TMEM181: variants seen among roughly 807,000 people sequenced by gnomAD.
The protein encoded by TMEM181 is G protein-coupled receptor 178.
TMEM181 carries 39 observed loss-of-function variants against 71.9 expected under a neutral mutation model. That is an observed-to-expected ratio of 0.54 (90% CI 0.42 to 0.71). The LOEUF (loss-of-function observed/expected upper bound fraction) is 0.71, where lower values mean the gene tolerates loss of function less well. TMEM181 is among the 30% of genes least tolerant of loss of function. TMEM181 has a pLI of 0.00. For synonymous variants in TMEM181, 245 were observed against 228.8 expected (o/e 1.07, Z -0.64); for missense variants, 595 against 583.0 (o/e 1.02, Z -0.21).
chr6:158,586,289 G>A (rs1783771494), intron 5 of TMEM181, among the ~76,000 whole-genome samples: 3 of 152,210 alleles, frequency 2.0e-5, no homozygotes, highest in Admixed American at 1.3e-4. Context: ...TACTGGCAGC[G>A]TGGAGAACTT....
Position 158,608,394 on chromosome 6 carries a change from CT to C in TMEM181, c.738del (p.Gln247SerfsTer28). 1 of 1,614,260 alleles carries C rather than the reference CT, an allele frequency of 6.2e-7. No homozygotes were observed. The highest frequency in any genetic ancestry group is 8.5e-7 in the Non-Finnish European group (1 of 1,180,052). On this transcript the variant is annotated frameshift_variant, in exon 9 of 17. Transcript: ENST00000684151. LOFTEE classifies it high-confidence loss of function. ...SWLPGMLDDL[F>X]QSMFLCALLL... is the part of the protein sequence containing the mutation. ...GGCTCCCAGGGATGCTGGATGACCT[CT>C]TTCAGTCCATGTTCCTGTGCGCCCT...
intron 6 of TMEM181, among the ~76,000 whole-genome samples, chr6:158,600,399 A>G (rs1784603948): frequency 6.7e-6 from 1 of 148,982 alleles, no homozygotes; most frequent in African/African-American, 2.5e-5. Flanking sequence ...ATCCACCCGC[A>G]TCGGCCTCCC....
At chr6:158,628,915 G>T (rs764633812) in intron 14 of TMEM181, among the ~76,000 whole-genome samples, 1 of 152,208 alleles carries the variant, frequency 6.6e-6, no homozygotes, top group Non-Finnish European at 1.5e-5. Context: ...GAGGGCTGCC[G>T]TGAGCCTCCT....
At chr6:158,560,299 C>G (rs527924393) in intron 1 of TMEM181, 67 bp downstream of exon 1, 2 of 985,244 alleles carry the variant, frequency 2.0e-6, no homozygotes, top group East Asian at 2.3e-4. Context: ...GTTGGGGATC[C>G]CTGGCTCCCG....
chr6:158,631,269 T>C, intron 15 of TMEM181, 54 bp from the exon 16 acceptor site: 1 of 1,587,512 alleles, frequency 6.3e-7, no homozygotes, highest in Non-Finnish European at 8.7e-7. Flanking sequence ...ATCCTGCCTG[T>C]CCAGGCTCAT....
chr6:158,541,898 C>CTTTTTTTT (rs10583860), intron 1 of TMEM181, among the ~76,000 whole-genome samples: 6 of 66,624 alleles, frequency 9.0e-5, no homozygotes, highest in African/African-American at 2.3e-4. Flanking sequence ...GGGATTTTAT[C>CTTTTTTTT]TTTTTTTTTT....
rs933919044 is a variant in TMEM181 at position 158,560,138 on chromosome 6, G to C, written c.-87G>C. ...GCTCAGCCGCTGTCGCTCCGGCTCC[G>C]GCTGCGGCTGCCGCTGCCGAGGCTG... is the stretch of plus-strand genomic sequence containing the variant. On this transcript the variant is annotated 5_prime_UTR_variant, in exon 1 of 17. Coordinates refer to ENST00000684151, the MANE Select transcript of TMEM181 (RefSeq NM_001376852.1). 3 of 984,860 alleles carry C rather than the reference G, an allele frequency of 3.0e-6. No individual in the cohort carries two copies. In the African/African-American group the frequency reaches 5.2e-5, roughly 17 times the overall value. The allele number at this position is 984,860 out of a possible 1,614,324, so 61.0% of individuals were successfully genotyped here.
intron 1 of TMEM181, among the ~76,000 whole-genome samples, chr6:158,537,814 C>A (rs1276732343): frequency 1.3e-5 from 2 of 152,264 alleles, no homozygotes; most frequent in Non-Finnish European, 1.5e-5. Flanking sequence ...TTTTCTAAGA[C>A]CTATCCTGTA....
At chr6:158,617,942 A>G (rs927651301) in intron 10 of TMEM181, among the ~76,000 whole-genome samples, 9 of 152,214 alleles carry the variant, frequency 5.9e-5, no homozygotes, top group African/African-American at 2.2e-4. Flanking sequence ...TGCTGAGAAG[A>G]ATGTATATTC....
At position 158,629,796 on chromosome 6, in the gene TMEM181, C is replaced by G. The variant is rs1786557598; in HGVS notation, c.1259C>G (p.Ser420Cys). 6.2e-7 allele frequency: 1 copy of G among 1,613,996 alleles called. No homozygotes were observed. The highest frequency in any genetic ancestry group is 8.5e-7 in the Non-Finnish European group (1 of 1,179,984). The change falls in exon 15 of 17, where the codon TCT becomes TGT. Residue 420 changes from serine to cysteine, a missense_variant. By Grantham distance (112) the Ser-to-Cys change is moderately radical. Transcript: ENST00000684151. ...FYLYTLAFVY[S>C]PSKNALYESQ... Reference sequence around the variant, plus strand: ...CTCTACACCTTGGCCTTTGTATATTCTCCATCGAAGAATGCCCTCTATGGT... The same window carrying G: ...CTCTACACCTTGGCCTTTGTATATTGTCCATCGAAGAATGCCCTCTATGGT...
chr6:158,608,499 C>T, intron 9 of TMEM181, 36 bp downstream of exon 9: 1 of 1,613,860 alleles, frequency 6.2e-7, no homozygotes, highest in Non-Finnish European at 8.5e-7. Context: ...GGGGGAGGTT[C>T]CAGACTGTGT....
chr6:158,596,801 C>T (rs934734778), intron 6 of TMEM181, among the ~76,000 whole-genome samples: 1 of 152,064 alleles, frequency 6.6e-6, no homozygotes, highest in African/African-American at 2.4e-5. Context: ...AAGTGGAAAC[C>T]CTGATAAACC....
rs764220579 is a variant in TMEM181 at position 158,608,415 on chromosome 6, C to T, written c.756C>T (p.Cys252=). ...ACCTCTTTCAGTCCATGTTCCTGTG[C>T]GCCCTGCTGCTCTTCTGGCTGTGCG... is the stretch of plus-strand genomic sequence containing the variant. ...LDDLFQSMFL[C]ALLLFWLCVY... is the part of the protein sequence containing the mutation. Residue 252 remains cysteine, a synonymous_variant, in exon 9 of 17, where the codon TGC becomes TGT. Transcript: ENST00000684151. The T allele has an allele frequency of 4.1e-5, 66 of 1,614,090 alleles. No homozygotes were observed. In the Admixed American group the frequency reaches 9.2e-4, roughly 22 times the overall value.
rs1331856981 is a variant in TMEM181, at chr6:158,573,450, C to T, written c.39C>T (p.Ser13=). Residue 13 remains serine (S), a synonymous_variant, in exon 2 of 17, where the codon TCC becomes TCT. Coordinates refer to ENST00000684151, the MANE Select transcript of TMEM181 (RefSeq NM_001376852.1). ...CGCCCATGCGGCTCTACACGCTCTC[C>T]AAGCGCCACTTTGTCCTCGTGTTTG... ...PLAPMRLYTL[S]KRHFVLVFVV... is the part of the protein sequence containing the mutation. The T allele has an allele frequency of 1.3e-6, 2 of 1,598,944 alleles. No individual in the cohort carries two copies. The highest frequency in any genetic ancestry group is 2.3e-5 in the South Asian group (2 of 88,516).
At chr6:158,557,343 G>A (rs941590193), upstream of TMEM181, among the ~76,000 whole-genome samples, 4 of 104,432 alleles carry the variant, frequency 3.8e-5, no homozygotes, top group African/African-American at 9.3e-5. Context: ...CTGCATTCTA[G>A]CCTGGGTGAC....
chr6:158,573,836 C>G (rs141413511), intron 2 of TMEM181, among the ~76,000 whole-genome samples: 2 of 151,964 alleles, frequency 1.3e-5, no homozygotes, highest in Admixed American at 6.6e-5. Context: ...CCCAGCTGGG[C>G]GCTGGTGTGT....
chr6:158,542,790 A>G lies in TMEM181; in HGVS notation c.131+5925A>G, dbSNP rs550076379. 3.4e-5 allele frequency among the ~76,000 whole-genome samples: 5 copies of G among 148,966 alleles called. No individual in the cohort carries two copies. The East Asian group carries it at 9.9e-4, about 29-fold the overall frequency. On this transcript the variant is annotated intron_variant, in intron 1 of 16. Coordinates refer to the TMEM181 transcript ENST00000367090. ...TGGCTAATTTTTGTATTTTTAGTAG[A>G]GAAGGGGTTTCACCATGTTGCCCAG...
chr6:158,625,641 T>C, intron 12 of TMEM181, 62 bp from the exon 13 acceptor site: 1 of 1,451,446 alleles, frequency 6.9e-7, no homozygotes, highest in Non-Finnish European at 9.5e-7. Flanking sequence ...TTTTTATTTT[T>C]CAAAATAAAA....
chr6:158,553,930 G>A (rs892526474), intron 1 of TMEM181, among the ~76,000 whole-genome samples: 5 of 151,494 alleles, frequency 3.3e-5, no homozygotes, highest in South Asian at 2.1e-4. Flanking sequence ...TTTTTGAGAC[G>A]GAGTTTTGCT....
Sources: gnomAD v4.1 joint callset for allele counts (sites outside exome capture counted in the v4.1 genomes callset) on GRCh38, gnomAD v4.1.1 for gene constraint, MANE v1.5 for transcripts, NCBI Gene and HGNC (gene_info 2026-07-23, HGNC 2026-07-21) for gene names.